Variants in MYOF observed in about 807,000 individuals in gnomAD.
The protein encoded by MYOF is fer-1-like 3, myoferlin.
MYOF carries 244 observed loss-of-function variants against 284.2 expected under a neutral mutation model. The observed-to-expected ratio is 0.86, with a 90% CI of 0.77 to 0.95. The LOEUF (loss-of-function observed/expected upper bound fraction) is 0.95. Among genes scored for constraint, MYOF ranks in the 40% least tolerant of loss-of-function variants. MYOF has a pLI of 0.00. For synonymous variants in MYOF, 904 were observed against 919.7 expected (o/e 0.98, Z 0.31); for missense variants, 2,496 against 2,560.6 (o/e 0.97, Z 0.54).
chr10:93,320,753 G>T (rs1002501557), intron 48 of MYOF, among the ~76,000 whole-genome samples: 1 of 152,072 alleles, frequency 6.6e-6, no homozygotes, highest in Non-Finnish European at 1.5e-5. Context: ...TGAAACCAGG[G>T]GGTAACATTC....
intron 3 of MYOF, among the ~76,000 whole-genome samples, chr10:93,441,839 A>T (rs1361254209): frequency 6.6e-6 from 1 of 152,114 alleles, no homozygotes; most frequent in Non-Finnish European, 1.5e-5. Context: ...CTAGAATTAC[A>T]GGCGTGAGTC....
At chr10:93,464,378 T>C (rs1451109998) in intron 1 of MYOF, among the ~76,000 whole-genome samples, 2 of 152,176 alleles carry the variant, frequency 1.3e-5, no homozygotes, top group African/African-American at 4.8e-5. Flanking sequence ...ACACATCCCA[T>C]TGCTTCTGCT....
rs76130988 is a variant in MYOF at position 93,409,817 on chromosome 10, G to A, written c.434-78C>T. On this transcript the variant is annotated intron_variant, in intron 5 of 53. Coordinates refer to ENST00000359263, the MANE Select transcript of MYOF (RefSeq NM_013451.4). ...CCAAAGGCTCAGGTTTCCAGGACAC[G>A]GTTTTGTCTGCCATTATGTTTTAAG... 7.4e-3 allele frequency: 11,364 copies of A among 1,530,036 alleles called. 693 individuals are homozygous for A. In the African/African-American group the frequency reaches 0.14, roughly 18 times the overall value. The allele number at this position is 1,530,036 out of a possible 1,614,324, so 94.8% of individuals were successfully genotyped here.
intron 37 of MYOF, among the ~76,000 whole-genome samples, chr10:93,344,726 T>TAAAAA (rs3081452): frequency 5.2e-5 from 4 of 76,228 alleles, no homozygotes; most frequent in Non-Finnish European, 1.0e-4. Context: ...GAACTTAAAT[T>TAAAAA]AAAAAAAAAA....
intron 1 of MYOF, among the ~76,000 whole-genome samples, chr10:93,466,441 A>G (rs1477107675): frequency 1.3e-5 from 2 of 152,218 alleles, no homozygotes; most frequent in Admixed American, 1.3e-4. Context: ...ATGACCTTTC[A>G]GATGTACAGG....
At chr10:93,426,030 T>A (rs1400644112) in intron 5 of MYOF, 41 bp downstream of exon 5, 2 of 1,509,528 alleles carry the variant, frequency 1.3e-6, no homozygotes, top group African/African-American at 1.4e-5. Context: ...TTTAGCAGCC[T>A]CCCCCTGGGG....
At chr10:93,456,125 A>G (rs2056739849) in intron 2 of MYOF, among the ~76,000 whole-genome samples, 1 of 152,234 alleles carries the variant, frequency 6.6e-6, no homozygotes, top group South Asian at 2.1e-4. Context: ...AAATAATTTT[A>G]TGCTTTTGAA....
At chr10:93,367,918 C>T (rs1228306059) in intron 25 of MYOF, among the ~76,000 whole-genome samples, 1 of 152,084 alleles carries the variant, frequency 6.6e-6, no homozygotes, top group Non-Finnish European at 1.5e-5. Flanking sequence ...TCTGCTGGTA[C>T]TCAACAGGTG....
At chr10:93,396,095 GAA>G in intron 16 of MYOF, 45 bp downstream of exon 16, 1 of 1,460,612 alleles carries the variant, frequency 6.8e-7, no homozygotes, top group Non-Finnish European at 9.4e-7. Flanking sequence ...TCAGACTGGA[GAA>G]AAGTTCTGTA....
At chr10:93,450,560 TG>T (rs1027225547) in intron 3 of MYOF, among the ~76,000 whole-genome samples, 2 of 151,966 alleles carry the variant, frequency 1.3e-5, no homozygotes, top group Non-Finnish European at 1.5e-5. Context: ...GGTGACAGAG[TG>T]AGACTCCATC....
chr10:93,331,704 G>A (rs1843312609), intron 43 of MYOF, among the ~76,000 whole-genome samples: 2 of 142,368 alleles, frequency 1.4e-5, no homozygotes, highest in African/African-American at 2.5e-5. Context: ...TGCGGGGGGC[G>A]TAGGGGGGGT....
intron 3 of MYOF, among the ~76,000 whole-genome samples, chr10:93,435,439 C>T (rs1294384126): frequency 6.6e-6 from 1 of 152,212 alleles, no homozygotes; most frequent in Non-Finnish European, 1.5e-5. Context: ...CAGTTGTTCC[C>T]TGGAGGGCAA....
intron 13 of MYOF, among the ~76,000 whole-genome samples, chr10:93,398,173 C>T (rs788356): frequency 0.86 from 131,295 of 152,036 alleles, 57,833 homozygotes; most frequent in East Asian, 1. Context: ...GCTGGCTCTA[C>T]CGCAGCCACA....
At chr10:93,369,258 G>GGTGT (rs553940736) in intron 25 of MYOF, among the ~76,000 whole-genome samples, 2 of 113,268 alleles carry the variant, frequency 1.8e-5, no homozygotes, top group Non-Finnish European at 3.6e-5. Flanking sequence ...CTCCTGGGTT[G>GGTGT]GTGTGTGTGT....
At chr10:93,313,406 T>C (rs1036919486) in intron 50 of MYOF, among the ~76,000 whole-genome samples, 196 bp from the exon 51 acceptor site, 1 of 152,144 alleles carries the variant, frequency 6.6e-6, no homozygotes, top group Non-Finnish European at 1.5e-5. Flanking sequence ...GAAATAGCCG[T>C]CCACTGCACA....
intron 1 of MYOF, among the ~76,000 whole-genome samples, chr10:93,467,744 A>G (rs2057045590): frequency 6.6e-6 from 1 of 152,196 alleles, no homozygotes. Context: ...ACAACGATAG[A>G]CTGGATTAAG....
chr10:93,359,693 G>C (rs193138015), intron 29 of MYOF, 140 bp downstream of exon 29: 1 of 1,056,066 alleles, frequency 9.5e-7, no homozygotes, highest in African/African-American at 1.6e-5. Context: ...GGCTGGGGTG[G>C]GCTCACTTTG....
chr10:93,397,199 C>T (rs1414098702), intron 15 of MYOF, 48 bp downstream of exon 15: 6 of 1,426,042 alleles, frequency 4.2e-6, no homozygotes, highest in Non-Finnish European at 5.9e-6. Flanking sequence ...TCACAATATC[C>T]AATGTTTATT....
At chr10:93,412,786 T>C (rs1847953105) in intron 5 of MYOF, among the ~76,000 whole-genome samples, 1 of 152,178 alleles carries the variant, frequency 6.6e-6, no homozygotes, top group Non-Finnish European at 1.5e-5. Context: ...CAGGCACAAA[T>C]GTGCCTTCAC....
Sources: allele counts gnomAD v4.1 joint callset (sites outside exome capture counted in the v4.1 genomes callset), GRCh38; gene constraint gnomAD v4.1.1; transcripts MANE v1.5; gene names NCBI Gene and HGNC (gene_info 2026-07-23, HGNC 2026-07-21).